Variants in SHANK2 observed in about 807,000 individuals in gnomAD.
SHANK2 encodes SH3 and multiple ankyrin repeat domains protein 2.
SHANK2 carries 43 observed loss-of-function variants against 133.7 expected under a neutral mutation model. The observed-to-expected ratio is 0.32, with a 90% CI of 0.25 to 0.41. The LOEUF (loss-of-function observed/expected upper bound fraction) is 0.41. Ranked by LOEUF, SHANK2 falls within the 10% of genes least tolerant of loss-of-function variation. The pLI is 1.00. For synonymous variants in SHANK2, 1,017 were observed against 952.8 expected, an observed-to-expected ratio of 1.07 and a Z score of -1.24; for missense variants, 1,994 against 2,235.8, an observed-to-expected ratio of 0.89 and a Z score of 2.18.
At chr11:70,666,828 T>A (rs1335179520) in intron 15 of SHANK2, among the ~76,000 whole-genome samples, 1 of 152,056 alleles carries the variant, frequency 6.6e-6, no homozygotes, top group Non-Finnish European at 1.5e-5. Context: ...CCTCTGAGTA[T>A]CTCCATGCAA....
At chr11:71,138,128 T>G (rs1590948437) in intron 3 of SHANK2, among the ~76,000 whole-genome samples, 1 of 60,390 alleles carries the variant, frequency 1.7e-5, no homozygotes, top group African/African-American at 4.3e-5. Flanking sequence ...ACCACACCCC[T>G]GCACCAGCCG....
rs1555098827 is a variant in SHANK2, at chr11:71,110,032, G to T, written c.501C>A (p.Cys167Ter). ...KLHTKTNLKK[C>*]MDHIQHRLVE... Reference sequence around the variant, plus strand: ...CCAAGCGATGCTGAATGTGATCCATGCATTTCTTCAGATTGGTCTAGAAGG... The same window carrying T: ...CCAAGCGATGCTGAATGTGATCCATTCATTTCTTCAGATTGGTCTAGAAGG... Residue 167 changes from cysteine (C) to a stop codon, truncating the protein, a stop_gained, in exon 6 of 26, where the codon TGC becomes TGA. Coordinates refer to ENST00000601538, the MANE Select transcript of SHANK2 (RefSeq NM_012309.5). LOFTEE classifies it high-confidence loss of function. 6.4e-7 allele frequency: 1 copy of T among 1,550,836 alleles called. No individual in the cohort carries two copies. The highest frequency in any genetic ancestry group is 2.0e-5 in the Admixed American group (1 of 50,998).
At chr11:70,866,702 C>T (rs1949364141) in intron 11 of SHANK2, among the ~76,000 whole-genome samples, 1 of 152,170 alleles carries the variant, frequency 6.6e-6, no homozygotes, top group South Asian at 2.1e-4. Context: ...CCCGGAGACA[C>T]ACAAGTCAAC....
rs782046966 is a variant in SHANK2 at position 71,110,068 on chromosome 11, C to A, written c.484-19G>T. On this transcript the variant is annotated intron_variant, in intron 5 of 25. Transcript: ENST00000601538. The stretch of plus-strand genomic sequence containing the variant: ...GATTGGTCTAGAAGGAAAAACAATA[C>A]AATTGAAACATCTTTATAAGAAATG... 2.0e-6 allele frequency: 3 copies of A among 1,474,944 alleles called. No homozygotes were observed. In the South Asian group the frequency reaches 3.6e-5, roughly 18 times the overall value. The allele number at this position is 1,474,944 out of a possible 1,614,324, so 91.4% of individuals were successfully genotyped here.
chr11:70,541,210 A>G (rs2059618143), intron 17 of SHANK2, among the ~76,000 whole-genome samples: 2 of 152,202 alleles, frequency 1.3e-5, no homozygotes, highest in South Asian at 4.1e-4. Flanking sequence ...TGATCGGGAT[A>G]CACCACATTT....
chr11:70,780,754 A>G (rs2135108335), intron 14 of SHANK2, among the ~76,000 whole-genome samples: 1 of 152,024 alleles, frequency 6.6e-6, no homozygotes, highest in East Asian at 1.9e-4. Context: ...TTGTACTTTT[A>G]GTAGAGACGG....
At chr11:70,907,867 A>G (rs892778034) in intron 10 of SHANK2, 10 of 454,290 alleles carry the variant, frequency 2.2e-5, no homozygotes, top group African/African-American at 1.2e-4. Flanking sequence ...TTTCGGAGGT[A>G]GAGGCAGGCA....
At chr11:70,652,976 C>T (rs524470) in intron 17 of SHANK2, among the ~76,000 whole-genome samples, 56,835 of 151,848 alleles carry the variant, frequency 0.37, 10,993 homozygotes, top group African/African-American at 0.46. Context: ...TTTTCTTTCC[C>T]TTTTCTCTTT....
At chr11:70,841,179 G>A (rs1555061566) in intron 11 of SHANK2, among the ~76,000 whole-genome samples, 1 of 152,194 alleles carries the variant, frequency 6.6e-6, no homozygotes, top group East Asian at 1.9e-4. Context: ...GCTAGGGCAG[G>A]AGAATCGCTT....
chr11:70,485,511 G>A lies in SHANK2; in HGVS notation c.4782C>T (p.Ala1594=). ...PPPGSAQPGM[A]KVLQPRTSKL... ...TGGAGGTCCTTGGCTGGAGAACCTTGGCCATCCCAGGCTGGGCACTGCCCG... is the reference window on the plus strand; with the variant it reads ...TGGAGGTCCTTGGCTGGAGAACCTTAGCCATCCCAGGCTGGGCACTGCCCG... Residue 1594 remains alanine, a synonymous_variant, in exon 25 of 26, where the codon GCC becomes GCT. Coordinates refer to ENST00000601538, the MANE Select transcript of SHANK2 (RefSeq NM_012309.5). This position sits in a 1 kb window ranked among gnomAD's most constrained non-coding sequence, Gnocchi z 5.8. 1 of 1,613,560 alleles carries A rather than the reference G, an allele frequency of 6.2e-7. No homozygotes were observed. The highest frequency in any genetic ancestry group is 8.5e-7 in the Non-Finnish European group (1 of 1,180,034).
At chr11:70,918,094 T>A (rs1030986227) in intron 10 of SHANK2, among the ~76,000 whole-genome samples, 3 of 152,108 alleles carry the variant, frequency 2.0e-5, no homozygotes, top group African/African-American at 7.2e-5. Flanking sequence ...TTTTAAGTCA[T>A]TTTACTGTGA....
At chr11:70,720,780 G>A (rs12270435) in intron 14 of SHANK2, among the ~76,000 whole-genome samples, 6,573 of 152,264 alleles carry the variant, frequency 0.043, 501 homozygotes, top group African/African-American at 0.15. Context: ...ACACCGGCAT[G>A]CACAATGCAC....
At chr11:71,191,547 CCT>C (rs1224891209) in intron 2 of SHANK2, among the ~76,000 whole-genome samples, 6 of 152,024 alleles carry the variant, frequency 3.9e-5, no homozygotes, top group Non-Finnish European at 7.4e-5. Flanking sequence ...CTCATCTCCT[CCT>C]CTGTTTTTTG....
intron 10 of SHANK2, among the ~76,000 whole-genome samples, chr11:70,901,381 C>A (rs995335369): frequency 1.3e-5 from 2 of 152,190 alleles, no homozygotes; most frequent in Middle Eastern, 3.2e-3. Context: ...TCAGGCTGGG[C>A]ACCCACAGAA....
intron 14 of SHANK2, among the ~76,000 whole-genome samples, chr11:70,772,083 G>T (rs1179360191): frequency 2.6e-5 from 4 of 152,114 alleles, no homozygotes; most frequent in Non-Finnish European, 5.9e-5. Context: ...AGAGTCTCCG[G>T]GTGCTGACAG....
At chr11:70,509,891 G>A (rs1051341085) in intron 17 of SHANK2, among the ~76,000 whole-genome samples, 1 of 152,196 alleles carries the variant, frequency 6.6e-6, no homozygotes, top group African/African-American at 2.4e-5. Flanking sequence ...CTCCCGAGCT[G>A]GGAGAAATAA....
intron 15 of SHANK2, chr11:70,662,253 G>T (rs1944567800): frequency 5.3e-6 from 1 of 189,802 alleles, no homozygotes; most frequent in Admixed American, 5.4e-5. Flanking sequence ...CACCAGAGAC[G>T]CAGGGACCTG....
At chr11:70,727,252 A>G (rs1946197013) in intron 14 of SHANK2, among the ~76,000 whole-genome samples, 1 of 152,238 alleles carries the variant, frequency 6.6e-6, no homozygotes, top group South Asian at 2.1e-4. Flanking sequence ...TGCATTGCGA[A>G]TTTTAAAGTG....
intron 3 of SHANK2, among the ~76,000 whole-genome samples, chr11:71,131,076 C>T (rs532558214): frequency 3.7e-4 from 56 of 152,360 alleles, no homozygotes; most frequent in Non-Finnish European, 6.5e-4. Flanking sequence ...TGCGCGCAGG[C>T]GTCTTCGGGT....
Sources: allele counts gnomAD v4.1 joint callset (sites outside exome capture counted in the v4.1 genomes callset), GRCh38; gene constraint gnomAD v4.1.1; non-coding constraint Gnocchi (gnomAD v3.1); transcripts MANE v1.5; gene names NCBI Gene and HGNC (gene_info 2026-07-23, HGNC 2026-07-21).